Variants in BPTF observed in about 807,000 individuals in gnomAD.
BPTF encodes the protein nucleosome-remodeling factor subunit BPTF.
A neutral mutation model predicts 292.5 loss-of-function variants in BPTF; 18 were observed. The observed-to-expected ratio is 0.06, with a 90% CI of 0.04 to 0.09. The LOEUF is 0.09. Ranked by LOEUF, BPTF falls within the 10% of genes least tolerant of loss-of-function variation. The pLI is 1.00. For synonymous variants in BPTF, 1,225 were observed against 1,251.9 expected (o/e 0.98, Z 0.45); for missense variants, 2,726 against 3,498.7 (o/e 0.78, Z 5.57).
chr17:67,903,387 CTG>C (rs2061979038), intron 7 of BPTF, among the ~76,000 whole-genome samples: 1 of 152,100 alleles, frequency 6.6e-6, no homozygotes, highest in Non-Finnish European at 1.5e-5. Flanking sequence ...TTAAAAAAAT[CTG>C]TATATTTTGA....
chr17:67,944,969 G>C (rs373226797), intron 20 of BPTF, among the ~76,000 whole-genome samples: 1 of 152,054 alleles, frequency 6.6e-6, no homozygotes, highest in East Asian at 1.9e-4. Flanking sequence ...TGCCCTAAGC[G>C]TGTCCAAATG....
chr17:67,830,522 G>A (rs1476724385), intron 1 of BPTF, among the ~76,000 whole-genome samples: 1 of 152,124 alleles, frequency 6.6e-6, no homozygotes, highest in Non-Finnish European at 1.5e-5. Context: ...CAGTGCAGTG[G>A]GCATTTTAAG....
chr17:67,940,271 C>T (rs1217481944), intron 18 of BPTF, among the ~76,000 whole-genome samples, 168 bp from the exon 19 acceptor site: 3 of 152,192 alleles, frequency 2.0e-5, no homozygotes, highest in African/African-American at 7.2e-5. Flanking sequence ...GCCAACCAGG[C>T]AGGACCTTTG....
intron 24 of BPTF, among the ~76,000 whole-genome samples, chr17:67,960,707 C>T (rs114475252): frequency 0.017 from 2,612 of 152,298 alleles, 65 homozygotes; most frequent in African/African-American, 0.055. Context: ...AAAAACTGAT[C>T]ATTTAGAATC....
At chr17:67,861,775 A>G (rs2059098211) in intron 2 of BPTF, among the ~76,000 whole-genome samples, 1 of 152,200 alleles carries the variant, frequency 6.6e-6, no homozygotes, top group South Asian at 2.1e-4. Context: ...CTTGCTTTCT[A>G]ACACTTAAGA....
chr17:67,972,327 C>T (rs2068854497), intron 26 of BPTF, among the ~76,000 whole-genome samples: 1 of 152,042 alleles, frequency 6.6e-6, no homozygotes, highest in Non-Finnish European at 1.5e-5. Context: ...CCTCTGCCAC[C>T]CGGGTTCAAC....
intron 4 of BPTF, among the ~76,000 whole-genome samples, chr17:67,884,461 G>C (rs1425321553): frequency 6.6e-6 from 1 of 151,420 alleles, no homozygotes; most frequent in Non-Finnish European, 1.5e-5. Flanking sequence ...TGTTACCCAG[G>C]CTAGAGTGCA....
intron 1 of BPTF, among the ~76,000 whole-genome samples, chr17:67,834,791 T>C (rs2056997615): frequency 6.6e-6 from 1 of 152,178 alleles, no homozygotes; most frequent in African/African-American, 2.4e-5. Flanking sequence ...TTCAATCTCT[T>C]GAATGCAGTA....
intron 8 of BPTF, 106 bp downstream of exon 8, chr17:67,904,024 T>G (rs1349884227): frequency 1.1e-5 from 9 of 842,994 alleles, no homozygotes; most frequent in Non-Finnish European, 1.6e-5. Context: ...TCTTTGTATT[T>G]TATTTATTTA....
At chr17:67,831,257 T>C (rs910361810) in intron 1 of BPTF, among the ~76,000 whole-genome samples, 4 of 152,138 alleles carry the variant, frequency 2.6e-5, no homozygotes, top group Non-Finnish European at 5.9e-5. Context: ...ATGCATTACA[T>C]ATGCCTCCCT....
chr17:67,958,447 G>A (rs1555681952), intron 23 of BPTF, among the ~76,000 whole-genome samples: 1 of 152,110 alleles, frequency 6.6e-6, no homozygotes, highest in Non-Finnish European at 1.5e-5. Flanking sequence ...ATGAAAAGGG[G>A]CCAGGCAGTG....
intron 1 of BPTF, among the ~76,000 whole-genome samples, chr17:67,847,468 C>T (rs183679772): frequency 2.0e-5 from 3 of 151,014 alleles, no homozygotes; most frequent in South Asian, 4.2e-4. Context: ...GAGCAGAGGT[C>T]GCGCCACTGC....
chr17:67,829,971 A>G (rs1020166146), intron 1 of BPTF, among the ~76,000 whole-genome samples: 5 of 152,226 alleles, frequency 3.3e-5, no homozygotes, highest in Non-Finnish European at 5.9e-5. Context: ...AAATGTAAGG[A>G]TGCCAACTTT....
chr17:67,895,203 C>T (rs2061357370), intron 7 of BPTF, among the ~76,000 whole-genome samples: 1 of 151,868 alleles, frequency 6.6e-6, no homozygotes, highest in Non-Finnish European at 1.5e-5. Context: ...TGTGGTGGCA[C>T]ATGCCTGTAG....
At position 67,948,303 on chromosome 17, in the gene BPTF, G is replaced by T. The variant is rs782693376; in HGVS notation, c.7923G>T (p.Val2641=). The T allele has an allele frequency of 2.5e-6, 4 of 1,611,142 alleles. No homozygotes were observed. The highest frequency in any genetic ancestry group is 2.5e-6 in the Non-Finnish European group (3 of 1,178,780). Residue 2641 remains valine, a synonymous_variant, in exon 23 of 28, where the codon GTG becomes GTT. Transcript: ENST00000306378. The part of the protein sequence containing the change: ...ALLDKDLQIE[V]QEELKRDLKI... ...TGGACAAGGATCTGCAAATTGAAGT[G>T]CAGGTAAGAGGGCACATCCTTTTCT... is the stretch of plus-strand genomic sequence containing the variant.
rs1205246080 is a variant in BPTF at position 67,942,898 on chromosome 17, G to A, written c.6478-1252G>A. ...ACATGTTATAATTTCATTTGTATAA[G>A]ATTCAGAAATAGGCAAAACTAAGCT... On this transcript the variant is annotated intron_variant, in intron 19 of 27. Transcript: ENST00000306378. Among the ~76,000 whole-genome samples the A allele has an allele frequency of 4.6e-5, 7 of 152,176 alleles. No individual in the cohort carries two copies. The East Asian group carries it at 1.2e-3, about 25-fold the overall frequency.
chr17:67,919,730 C>T (rs1199808128), intron 12 of BPTF, among the ~76,000 whole-genome samples: 1 of 152,190 alleles, frequency 6.6e-6, no homozygotes, highest in Non-Finnish European at 1.5e-5. Flanking sequence ...CCTGTGCTTG[C>T]TGCTTCTGTC....
intron 12 of BPTF, 133 bp from the exon 13 acceptor site, chr17:67,919,882 G>A (rs2063321164): frequency 1.3e-6 from 1 of 760,358 alleles, no homozygotes; most frequent in Non-Finnish European, 2.1e-6. Flanking sequence ...AGATGTTAGT[G>A]ATCCTGTTAA....
At chr17:67,880,530 A>G (rs779304526) in intron 4 of BPTF, among the ~76,000 whole-genome samples, 1 of 152,160 alleles carries the variant, frequency 6.6e-6, no homozygotes, top group Non-Finnish European at 1.5e-5. Flanking sequence ...TCCCTTTATC[A>G]TTTAGTTTAA....
Sources: gnomAD v4.1 joint callset for allele counts (sites outside exome capture counted in the v4.1 genomes callset) on GRCh38, gnomAD v4.1.1 for gene constraint, MANE v1.5 for transcripts, NCBI Gene and HGNC (gene_info 2026-07-23, HGNC 2026-07-21) for gene names.